KAT7: variants seen among roughly 807,000 people sequenced by gnomAD.
The protein encoded by KAT7 is lysine acetyltransferase 7.
KAT7 carries 10 observed loss-of-function variants against 82.1 expected under a neutral mutation model. The observed-to-expected ratio is 0.12, with a 90% confidence interval of 0.08 to 0.21. KAT7 has a LOEUF of 0.21. Among genes scored for constraint, KAT7 ranks in the 10% least tolerant of loss-of-function variants. KAT7 has a pLI of 1.00. For missense variants in KAT7, 378 were observed against 760.9 expected, an observed-to-expected ratio of 0.50 and a Z score of 5.92; for synonymous variants, 250 against 262.5, an observed-to-expected ratio of 0.95 and a Z score of 0.46.
Position 49,821,729 on chromosome 17 carries a change from T to G in KAT7, c.1325T>G (p.Leu442Arg). 6.2e-7 allele frequency: 1 copy of G among 1,613,994 alleles called. No homozygotes were observed. Among genetic ancestry groups the G allele is most frequent in the Non-Finnish European group, 8.5e-7 (1 of 1,179,848 alleles). Reference protein sequence around the residue: ...KTLYYDVEPFLFYVMTEADNT... With the variant: ...KTLYYDVEPFRFYVMTEADNT... ...TTATATTATGATGTGGAGCCCTTCC[T>G]GTTCTATGTTATGACAGAGGCGGAC... Residue 442 changes from leucine to arginine, a missense_variant, in exon 11 of 15, where the codon CTG (leucine) becomes CGG (arginine). Coordinates refer to ENST00000259021, the MANE Select transcript of KAT7 (RefSeq NM_007067.5).
At chr17:49,799,542 A>G (rs1469320594) in intron 4 of KAT7, among the ~76,000 whole-genome samples, 1 of 152,018 alleles carries the variant, frequency 6.6e-6, no homozygotes, top group African/African-American at 2.4e-5. Flanking sequence ...AACCACACCT[A>G]ACTTTTGTAT....
intron 1 of KAT7, 105 bp downstream of exon 1, chr17:49,788,954 C>A (rs1429005095): frequency 9.2e-7 from 1 of 1,090,106 alleles, no homozygotes. Flanking sequence ...ACTTTCCGCT[C>A]CCCCGAACCT....
At chr17:49,796,581 G>C (rs567945321) in intron 2 of KAT7, among the ~76,000 whole-genome samples, 169 bp from the exon 3 acceptor site, 1 of 152,238 alleles carries the variant, frequency 6.6e-6, no homozygotes, top group South Asian at 2.1e-4. Flanking sequence ...GTATACCTGA[G>C]CTAGGCTCTT....
At chr17:49,800,137 G>T (rs1013387834) in intron 4 of KAT7, among the ~76,000 whole-genome samples, 1 of 149,898 alleles carries the variant, frequency 6.7e-6, no homozygotes, top group Non-Finnish European at 1.5e-5. Flanking sequence ...TCAGCCTCTC[G>T]AGTAGCTGGG....
At chr17:49,790,840 A>C (rs1023121015) in intron 1 of KAT7, among the ~76,000 whole-genome samples, 1 of 152,240 alleles carries the variant, frequency 6.6e-6, no homozygotes, top group African/African-American at 2.4e-5. Flanking sequence ...TTGAATAAAT[A>C]ATTGGGACTT....
intron 9 of KAT7, 88 bp downstream of exon 9, chr17:49,818,099 A>C: frequency 9.8e-7 from 1 of 1,019,592 alleles, no homozygotes. Context: ...GCATCTGTTC[A>C]GGCACCTTCT....
At chr17:49,795,386 G>A in intron 2 of KAT7, 1 of 235,444 alleles carries the variant, frequency 4.2e-6, no homozygotes, top group Non-Finnish European at 9.0e-6. Flanking sequence ...GAGCTGACCA[G>A]ACTTTTCCAG....
At chr17:49,792,601 G>A (rs1002067559) in intron 2 of KAT7, among the ~76,000 whole-genome samples, 1 of 152,112 alleles carries the variant, frequency 6.6e-6, no homozygotes, top group East Asian at 1.9e-4. Flanking sequence ...TCAGTGAGCC[G>A]TAACTCCCAG....
chr17:49,814,542 A>G (rs755736), intron 7 of KAT7, among the ~76,000 whole-genome samples: 75,300 of 152,102 alleles, frequency 0.5, 21,752 homozygotes, highest in Middle Eastern at 0.74. Context: ...CAGGAAAACT[A>G]AGACTGAGAG....
chr17:49,816,624 A>T (rs1464893554), intron 8 of KAT7, among the ~76,000 whole-genome samples: 1 of 152,148 alleles, frequency 6.6e-6, no homozygotes. Context: ...AGACTTGTTG[A>T]AAACTTGGCA....
rs2073895915 is a variant in KAT7 at position 49,792,003 on chromosome 17, T to A, written c.133T>A (p.Ser45Thr). ...CCGACGATCTGCTCGAGTCACCCGC[T>A]CCTCAGCCAGGCTAAGCCAGAGTTC... ...TSRRSARVTR[S>T]SARLSQSSQD... Residue 45 changes from serine to threonine, a missense_variant, in exon 2 of 15, where the codon TCC becomes ACC. By Grantham distance (58) the Ser-to-Thr change is moderately conservative (BLOSUM62 1). Around this residue, in one of 6 missense-constraint regions of KAT7, gnomAD observed 161 missense variants for 229.6 expected, o/e 0.70. Coordinates refer to ENST00000259021, the MANE Select transcript of KAT7 (RefSeq NM_007067.5). 6.2e-7 allele frequency: 1 copy of A among 1,614,000 alleles called. No individual in the cohort carries two copies. The highest frequency in any genetic ancestry group is 8.5e-7 in the Non-Finnish European group (1 of 1,180,024).
At chr17:49,805,026 A>T (rs1488703546) in intron 4 of KAT7, among the ~76,000 whole-genome samples, 2 of 152,226 alleles carry the variant, frequency 1.3e-5, no homozygotes, top group Admixed American at 1.3e-4. Flanking sequence ...GGAGAGTTAC[A>T]TTCCACCAAA....
At chr17:49,816,843 G>A (rs1337827274) in intron 8 of KAT7, among the ~76,000 whole-genome samples, 1 of 150,902 alleles carries the variant, frequency 6.6e-6, no homozygotes, top group South Asian at 2.1e-4. Flanking sequence ...ACAGGGTTTT[G>A]CCCTGTTGCC....
chr17:49,830,442 C>T lies in KAT7; in HGVS notation c.*2940C>T, dbSNP rs1338090627. 2 of 152,150 alleles carry T rather than the reference C, an allele frequency of 1.3e-5. No individual in the cohort carries two copies. The highest frequency in any genetic ancestry group is 2.9e-5 in the Non-Finnish European group (2 of 68,048). 9.4% of individuals were successfully genotyped at this position (152,150 alleles called of 1,614,324 possible). On this transcript the variant is annotated 3_prime_UTR_variant, in exon 15 of 15. Transcript: ENST00000259021. ...GACCTCAAGTGATCACCCGCCTCAT[C>T]CTCCCAAAGTGCTGGGATTACAGCC...
rs2074406659 is a variant in KAT7 at position 49,829,710 on chromosome 17, C to T, written c.*2208C>T. On this transcript the variant is annotated 3_prime_UTR_variant, in exon 15 of 15. Transcript: ENST00000259021. ...TCACTGTGACCAGTAGTGGTGAGAA[C>T]CCATACAGTTGAAGTTTTTTGCACA... The T allele has an allele frequency of 6.6e-6, 1 of 152,110 alleles. No individual in the cohort carries two copies. The highest frequency in any genetic ancestry group is 2.4e-5 in the African/African-American group (1 of 41,400). The allele number at this position is 152,110 out of a possible 1,614,324, so 9.4% of individuals were successfully genotyped here.
At chr17:49,791,421 G>A (rs1222577405) in intron 1 of KAT7, among the ~76,000 whole-genome samples, 2 of 152,188 alleles carry the variant, frequency 1.3e-5, no homozygotes, top group Non-Finnish European at 2.9e-5. Context: ...ACTTTGGGAG[G>A]CCAAGGCGGG....
In KAT7 at chr17:49,788,698, C is replaced by T; in HGVS notation, c.-137C>T. 2 of 942,420 alleles carry T rather than the reference C, an allele frequency of 2.1e-6. No homozygotes were observed. The highest frequency in any genetic ancestry group is 3.1e-6 in the Non-Finnish European group (2 of 655,294). 58.4% of individuals were successfully genotyped at this position (942,420 alleles called of 1,614,324 possible). ...GCGCCTGCGCAGAACGCTCCAGACGCTGAGAGGCAGGAGGCACTAGGGATC... is the reference window on the plus strand; with the variant it reads ...GCGCCTGCGCAGAACGCTCCAGACGTTGAGAGGCAGGAGGCACTAGGGATC... On this transcript the variant is annotated 5_prime_UTR_variant, in exon 1 of 15. Transcript: ENST00000259021.
At chr17:49,815,421 C>G (rs182130071) in intron 7 of KAT7, 1 of 157,732 alleles carries the variant, frequency 6.3e-6, no homozygotes, top group East Asian at 1.8e-4. Context: ...TCTACCAAAG[C>G]TCCTTCCAAA....
chr17:49,811,744 T>C (rs560024214), intron 7 of KAT7, among the ~76,000 whole-genome samples, 170 bp downstream of exon 7: 54 of 152,334 alleles, frequency 3.5e-4, no homozygotes, highest in African/African-American at 1.3e-3. Context: ...AAAACTGAAT[T>C]GTTGAGAGTG....
Sources: gnomAD v4.1 joint callset for allele counts (sites outside exome capture counted in the v4.1 genomes callset) on GRCh38, gnomAD v4.1.1 for gene constraint, gnomAD v4.1.1 regional missense constraint, MANE v1.5 for transcripts, NCBI Gene and HGNC (gene_info 2026-07-23, HGNC 2026-07-21) for gene names.